TMC1: variants seen among roughly 807,000 people sequenced by gnomAD.
TMC1 encodes the protein transmembrane channel like 1, also known as transmembrane channel-like protein 1.
In TMC1, 84 loss-of-function variants were observed where a neutral mutation model predicts 105.8. That is an observed-to-expected ratio of 0.79 (90% CI 0.67 to 0.95). TMC1 has a LOEUF of 0.95. TMC1 is among the 40% of genes least tolerant of loss of function. TMC1 has a pLI of 0.00. For synonymous variants in TMC1, 315 were observed against 311.5 expected (o/e 1.01, Z -0.12); for missense variants, 817 against 914.1 (o/e 0.89, Z 1.37).
chr9:72,566,537 C>G (rs1824157214), intron 1 of TMC1, among the ~76,000 whole-genome samples: 1 of 152,134 alleles, frequency 6.6e-6, no homozygotes, highest in East Asian at 1.9e-4. Flanking sequence ...GGAAAATGGA[C>G]CACAGAGGTT....
chr9:72,683,987 G>C (rs1333100700), intron 5 of TMC1, among the ~76,000 whole-genome samples: 1 of 150,304 alleles, frequency 6.7e-6, no homozygotes, highest in African/African-American at 2.4e-5. Context: ...TGCTATAGTG[G>C]ACTCAAATCT....
intron 5 of TMC1, among the ~76,000 whole-genome samples, chr9:72,650,874 A>T (rs1037476546): frequency 8.3e-5 from 11 of 132,914 alleles, no homozygotes; most frequent in East Asian, 2.0e-4. Flanking sequence ...GGTGTATTTT[A>T]TATATATAGA....
intron 5 of TMC1, among the ~76,000 whole-genome samples, chr9:72,684,148 C>A (rs1181319626): frequency 6.6e-6 from 1 of 152,066 alleles, no homozygotes; most frequent in Non-Finnish European, 1.5e-5. Context: ...TGGTTCATTT[C>A]ATAGCCTACA....
At chr9:72,571,133 G>A (rs1035180521) in intron 1 of TMC1, among the ~76,000 whole-genome samples, 4 of 148,736 alleles carry the variant, frequency 2.7e-5, no homozygotes, top group Non-Finnish European at 5.9e-5. Context: ...GACCAGCCTG[G>A]CCAACATGGT....
At chr9:72,612,493 T>G (rs547706582) in intron 2 of TMC1, among the ~76,000 whole-genome samples, 56 of 150,262 alleles carry the variant, frequency 3.7e-4, no homozygotes, top group African/African-American at 1.1e-3. Flanking sequence ...TTTTTTTTTG[T>G]AAAAAGCCAG....
At chr9:72,811,364 A>G (rs941683757) in intron 18 of TMC1, among the ~76,000 whole-genome samples, 1 of 152,190 alleles carries the variant, frequency 6.6e-6, no homozygotes, top group Middle Eastern at 3.4e-3. Context: ...AAGTTAATGT[A>G]ATGTAAGTTA....
At position 72,558,646 on chromosome 9, in the gene TMC1, A is replaced by G. The variant is rs143880006; in HGVS notation, c.-427-19256A>G. 7.2e-4 allele frequency among the ~76,000 whole-genome samples: 109 copies of G among 152,268 alleles called. No individual in the cohort carries two copies. In the Middle Eastern group the frequency reaches 0.02, roughly 29 times the overall value. On this transcript the variant is annotated intron_variant, in intron 1 of 23. Coordinates refer to ENST00000297784, the MANE Select transcript of TMC1 (RefSeq NM_138691.3). ...GACACCTTCACTGATCTCTGTTTCT[A>G]TTTCATCTTTTGAAAAATCGGGATG... is the stretch of plus-strand genomic sequence containing the variant.
intron 5 of TMC1, among the ~76,000 whole-genome samples, chr9:72,677,970 T>C (rs567199884): frequency 1.3e-5 from 2 of 152,268 alleles, no homozygotes; most frequent in South Asian, 4.1e-4. Flanking sequence ...ATGTAAAGAA[T>C]AACATTGATG....
At chr9:72,805,891 CAGA>C (rs1828567470) in intron 18 of TMC1, among the ~76,000 whole-genome samples, 1 of 152,180 alleles carries the variant, frequency 6.6e-6, no homozygotes, top group African/African-American at 2.4e-5. Flanking sequence ...GATCCCACGG[CAGA>C]AGAAGTTTTC....
chr9:72,537,282 T>C (rs891912230), intron 1 of TMC1, among the ~76,000 whole-genome samples: 2 of 152,208 alleles, frequency 1.3e-5, no homozygotes, highest in African/African-American at 2.4e-5. Flanking sequence ...GGGCCTTTTT[T>C]TTCCAAAGTC....
intron 13 of TMC1, among the ~76,000 whole-genome samples, chr9:72,775,123 G>C (rs1304060428): frequency 6.6e-6 from 1 of 152,124 alleles, no homozygotes; most frequent in Non-Finnish European, 1.5e-5. Flanking sequence ...GTTGGCCCAG[G>C]ATTCTCCTGG....
rs549507736 is a variant in TMC1, at chr9:72,542,641, C to T, written c.-428+20728C>T. ...AAGAATTCTGATCCAGGCACTGACT[C>T]ATTGAGCAAGTCATCTTTACTGTTC... On this transcript the variant is annotated intron_variant, in intron 1 of 23. Coordinates refer to ENST00000297784, the MANE Select transcript of TMC1 (RefSeq NM_138691.3). Among the ~76,000 whole-genome samples, 4 of 151,934 alleles carry T rather than the reference C, an allele frequency of 2.6e-5. 1 individual carries two copies. The highest frequency in any genetic ancestry group is 2.0e-4 in the Admixed American group (3 of 15,238).
chr9:72,657,793 A>G (rs1825906948), intron 5 of TMC1, among the ~76,000 whole-genome samples: 1 of 152,234 alleles, frequency 6.6e-6, no homozygotes, highest in African/African-American at 2.4e-5. Flanking sequence ...AAAGAATCCA[A>G]GCCAAAATTG....
At chr9:72,733,501 T>C (rs1827248530) in intron 8 of TMC1, among the ~76,000 whole-genome samples, 1 of 152,152 alleles carries the variant, frequency 6.6e-6, no homozygotes, top group South Asian at 2.1e-4. Flanking sequence ...ACTTTGTAGT[T>C]TGGAGATTCA....
intron 1 of TMC1, among the ~76,000 whole-genome samples, chr9:72,576,191 G>A (rs953522575): frequency 5.3e-5 from 8 of 152,158 alleles, no homozygotes; most frequent in African/African-American, 1.9e-4. Context: ...CATATATCCA[G>A]TTTTATAGAG....
chr9:72,558,103 A>C (rs772158582), intron 1 of TMC1, among the ~76,000 whole-genome samples: 25 of 152,234 alleles, frequency 1.6e-4, no homozygotes, highest in Non-Finnish European at 3.4e-4. Context: ...TTGAAGACAT[A>C]GGAAATATTT....
intron 1 of TMC1, among the ~76,000 whole-genome samples, chr9:72,561,031 A>G (rs1332975091): frequency 1.3e-5 from 2 of 151,870 alleles, no homozygotes; most frequent in Non-Finnish European, 2.9e-5. Context: ...AAGAGAGAAA[A>G]GGCCGGGCGC....
intron 1 of TMC1, among the ~76,000 whole-genome samples, chr9:72,567,546 G>T (rs962869307): frequency 2.6e-5 from 4 of 152,160 alleles, no homozygotes; most frequent in African/African-American, 9.7e-5. Flanking sequence ...CTCTTCACGG[G>T]GTGGCGGGAG....
intron 5 of TMC1, among the ~76,000 whole-genome samples, chr9:72,679,818 G>A (rs544166349): frequency 6.6e-6 from 1 of 152,172 alleles, no homozygotes; most frequent in African/African-American, 2.4e-5. Context: ...AATGAAGTAG[G>A]AAATTTTCCC....
Sources: gnomAD v4.1 joint callset for allele counts (sites outside exome capture counted in the v4.1 genomes callset) on GRCh38, gnomAD v4.1.1 for gene constraint, MANE v1.5 for transcripts, NCBI Gene and HGNC (gene_info 2026-07-23, HGNC 2026-07-21) for gene names.